LRRIQ1: variants seen among roughly 807,000 people sequenced by gnomAD.
LRRIQ1 encodes leucine rich repeats and IQ motif containing 1, also known as leucine-rich repeat- and IQ domain-containing protein 1.
Under a neutral mutation model 211.9 loss-of-function variants are expected in LRRIQ1, and 210 were observed. The observed-to-expected ratio is 0.99, with a 90% CI of 0.89 to 1.11. The LOEUF (loss-of-function observed/expected upper bound fraction) is 1.11, where lower values mean the gene tolerates loss of function less well. Ranked by LOEUF, LRRIQ1 falls within the 50% of genes most tolerant of loss-of-function variation. The pLI, the probability that LRRIQ1 is intolerant of heterozygous loss-of-function variation, is 0.00. For missense variants in LRRIQ1, 2,136 were observed against 1,939.5 expected (o/e 1.10, Z -1.90); for synonymous variants, 699 against 650.1 (o/e 1.08, Z -1.14).
At chr12:85,200,610 CTTA>C (rs2137014362) in intron 24 of LRRIQ1, among the ~76,000 whole-genome samples, 1 of 152,184 alleles carries the variant, frequency 6.6e-6, no homozygotes, top group African/African-American at 2.4e-5. Flanking sequence ...ATAGGTGGCT[CTTA>C]TTATTCTGAA....
At chr12:85,145,858 C>G (rs1407872802) in intron 19 of LRRIQ1, among the ~76,000 whole-genome samples, 1 of 151,716 alleles carries the variant, frequency 6.6e-6, no homozygotes, top group South Asian at 2.1e-4. Context: ...TAGTCTGTAA[C>G]AAAATCTGTC....
chr12:85,193,165 G>T (rs188574095), intron 24 of LRRIQ1, among the ~76,000 whole-genome samples: 1 of 117,322 alleles, frequency 8.5e-6, no homozygotes, highest in Admixed American at 1.0e-4. Context: ...ATATATATGG[G>T]ACTATGTGAA....
At chr12:85,166,842 A>T (rs545215148) in intron 24 of LRRIQ1, among the ~76,000 whole-genome samples, 5 of 152,258 alleles carry the variant, frequency 3.3e-5, no homozygotes, top group Non-Finnish European at 7.3e-5. Context: ...GTGATTTATC[A>T]GTATGTCAGT....
Position 85,055,839 on chromosome 12 carries a change from G to T in LRRIQ1, c.1046G>T (p.Arg349Ile). Residue 349 changes from arginine (R) to isoleucine (I), a missense_variant, in exon 8 of 27, where the codon AGA becomes ATA. Coordinates refer to ENST00000393217, the MANE Select transcript of LRRIQ1 (RefSeq NM_001079910.2). Reference protein sequence around the residue: ...LEEEQRIKEERKKQKEEERKR... With the variant: ...LEEEQRIKEEIKKQKEEERKR... ...GAGGAACAAAGGATAAAAGAAGAGA[G>T]AAAAAAGCAAAAGGAAGAGGAAAGG... The T allele has an allele frequency of 6.5e-7, 1 of 1,537,064 alleles. No individual in the cohort carries two copies. The highest frequency in any genetic ancestry group is 1.3e-5 in the South Asian group (1 of 77,744).
intron 26 of LRRIQ1, among the ~76,000 whole-genome samples, chr12:85,244,089 A>G (rs920396383): frequency 6.6e-6 from 1 of 151,754 alleles, no homozygotes; most frequent in African/African-American, 2.4e-5. Flanking sequence ...ATGTAATGAT[A>G]TTCAACATTA....
rs1268465618 is a variant in LRRIQ1, at chr12:85,056,595, A to T, written c.1802A>T (p.Asp601Val). Residue 601 changes from aspartate to valine, a missense_variant, in exon 8 of 27, where the codon GAT (aspartate) becomes GTT (valine). Asp to Val is a radical substitution (Grantham distance 152). Coordinates refer to ENST00000393217, the MANE Select transcript of LRRIQ1 (RefSeq NM_001079910.2). ...IQEQNGLLYKDKDTLVISVKQ... is the reference protein window; with the variant it reads ...IQEQNGLLYKVKDTLVISVKQ... Reference sequence around the variant, plus strand: ...GAACAGAATGGATTATTATATAAAGATAAGGATACTTTAGTTATTTCAGTG... The same window carrying T: ...GAACAGAATGGATTATTATATAAAGTTAAGGATACTTTAGTTATTTCAGTG... 6.3e-7 allele frequency: 1 copy of T among 1,595,748 alleles called. No individual in the cohort carries two copies. Among genetic ancestry groups the T allele is most frequent in the South Asian group, 1.1e-5 (1 of 87,352 alleles).
chr12:85,072,315 A>G (rs1883171552), intron 10 of LRRIQ1, among the ~76,000 whole-genome samples: 1 of 151,818 alleles, frequency 6.6e-6, no homozygotes, highest in Admixed American at 6.6e-5. Context: ...TTTGGAACTT[A>G]TTTTGGCTGT....
chr12:85,124,128 A>G lies in LRRIQ1; in HGVS notation c.3616A>G (p.Ile1206Val). ...CTGTCATTATTTTAAGAAATTGATG[A>G]TACTTAGTACTGAATACCGACATGC... The part of the protein sequence containing the change: ...NLCHYFKKLM[I>V]LSTEYRHAHE... The change falls in exon 17 of 27, where the codon ATA becomes GTA. Residue 1206 changes from isoleucine to valine, a missense_variant. Transcript: ENST00000393217. The G allele has an allele frequency of 6.2e-7, 1 of 1,614,016 alleles. No individual in the cohort carries two copies.
At chr12:85,050,435 A>G (rs1171362885) in intron 6 of LRRIQ1, among the ~76,000 whole-genome samples, 3 of 152,204 alleles carry the variant, frequency 2.0e-5, no homozygotes, top group Non-Finnish European at 2.9e-5. Context: ...TACTCAGAGA[A>G]CTTTATGTAT....
At chr12:85,189,764 T>A (rs1371301923) in intron 24 of LRRIQ1, among the ~76,000 whole-genome samples, 1 of 147,394 alleles carries the variant, frequency 6.8e-6, no homozygotes, top group Non-Finnish European at 1.5e-5. Context: ...ATTAAAAATA[T>A]ATATAATATC....
At chr12:85,254,248 C>A (rs1896026447) in intron 1 of LRRIQ1, among the ~76,000 whole-genome samples, 1 of 152,088 alleles carries the variant, frequency 6.6e-6, no homozygotes, top group Non-Finnish European at 1.5e-5. Context: ...GCCAATTAAA[C>A]CTCTTTTCTT....
Position 85,047,355 on chromosome 12 carries a change from C to T in LRRIQ1, c.563C>T (p.Thr188Ile). The change falls in exon 6 of 27, where the codon ACT becomes ATT. Residue 188 changes from threonine to isoleucine, a missense_variant. Thr to Ile is a moderately conservative substitution (Grantham distance 89). Coordinates refer to ENST00000393217, the MANE Select transcript of LRRIQ1 (RefSeq NM_001079910.2). ...QKELEDKEKQ[T>I]LKAQRDREEK... ...GAATTAGAAGATAAAGAGAAACAAA[C>T]TCTCAAAGCTCAGAGGGATAGAGAA... The T allele has an allele frequency of 1.2e-6, 2 of 1,606,198 alleles. No homozygotes were observed. The highest frequency in any genetic ancestry group is 1.7e-6 in the Non-Finnish European group (2 of 1,173,250).
intron 1 of LRRIQ1, among the ~76,000 whole-genome samples, chr12:85,037,829 T>TCATG (rs1878343262): frequency 1.3e-5 from 2 of 151,978 alleles, no homozygotes; most frequent in South Asian, 4.1e-4. Context: ...ACATTGCAAC[T>TCATG]CATGCATACA....
intron 13 of LRRIQ1, among the ~76,000 whole-genome samples, chr12:85,102,959 A>AATATATATAT (rs1197049295): frequency 6.6e-4 from 72 of 108,454 alleles, no homozygotes; most frequent in African/African-American, 2.7e-3. Flanking sequence ...AAAAAAAAAA[A>AATATATATAT]ATATATATAT....
At chr12:85,215,919 A>G (rs1001627255) in intron 24 of LRRIQ1, among the ~76,000 whole-genome samples, 1 of 152,236 alleles carries the variant, frequency 6.6e-6, no homozygotes, top group African/African-American at 2.4e-5. Context: ...CAAAGCTATA[A>G]TATAGTGCTT....
intron 11 of LRRIQ1, among the ~76,000 whole-genome samples, chr12:85,086,189 C>T (rs911471289): frequency 3.9e-5 from 6 of 152,100 alleles, no homozygotes; most frequent in Non-Finnish European, 8.8e-5. Flanking sequence ...TGATAAGTGA[C>T]GCAGAGCATT....
At chr12:85,173,216 A>G (rs949212303) in intron 24 of LRRIQ1, among the ~76,000 whole-genome samples, 1 of 152,248 alleles carries the variant, frequency 6.6e-6, no homozygotes, top group Non-Finnish European at 1.5e-5. Context: ...TAACATTAAC[A>G]TTAATTCTGT....
rs772513548 is a variant in LRRIQ1 at position 85,124,447 on chromosome 12, T to A, written c.3935T>A (p.Ile1312Asn). The A allele has an allele frequency of 6.2e-7, 1 of 1,613,808 alleles. No homozygotes were observed. The highest frequency in any genetic ancestry group is 8.5e-7 in the Non-Finnish European group (1 of 1,180,014). ...SKASSIPTIR[I>N]PFKEVVMTNS... ...GCAAGCAGTATTCCCACCATAAGAA[T>A]CCCATTTAAGGAAGTAGTAATGACA... Residue 1312 changes from isoleucine (I) to asparagine (N), a missense_variant, in exon 17 of 27, where the codon ATC becomes AAC. Physicochemically the swap from Ile to Asn is moderately radical, Grantham distance 149 (BLOSUM62 -3). Transcript: ENST00000393217.
In LRRIQ1 at chr12:85,047,439, T is replaced by C. The variant is rs142687579; in HGVS notation, c.647T>C (p.Val216Ala). The C allele has an allele frequency of 3.8e-5, 62 of 1,612,428 alleles. No individual in the cohort carries two copies. The highest frequency in any genetic ancestry group is 3.4e-4 in the East Asian group (15 of 44,728). Residue 216 changes from valine to alanine, a missense_variant, in exon 6 of 27, where the codon GTT becomes GCT. Coordinates refer to ENST00000393217, the MANE Select transcript of LRRIQ1 (RefSeq NM_001079910.2). ...KRHCWMKQFK[V>A]EKKKLENIQK... ...CATTGCTGGATGAAACAATTTAAAG[T>C]TGAAAAGAAGAAATTAGAGAACATT... is the stretch of plus-strand genomic sequence containing the variant.
Sources: allele counts gnomAD v4.1 joint callset (sites outside exome capture counted in the v4.1 genomes callset), GRCh38; gene constraint gnomAD v4.1.1; transcripts MANE v1.5; gene names NCBI Gene and HGNC (gene_info 2026-07-23, HGNC 2026-07-21).